The following ZNF638 variants were observed in gnomAD, a reference collection of about 807,000 sequenced individuals.
The protein encoded by ZNF638 is zinc finger protein 638.
A neutral mutation model predicts 195.6 loss-of-function variants in ZNF638; 46 were observed. That is an observed-to-expected ratio of 0.24 (90% CI 0.19 to 0.30). The LOEUF (loss-of-function observed/expected upper bound fraction) is 0.30, where lower values mean the gene tolerates loss of function less well. ZNF638 is among the 10% of genes least tolerant of loss of function. ZNF638 has a pLI of 1.00. For synonymous variants in ZNF638, 845 were observed against 772.0 expected, an observed-to-expected ratio of 1.09 and a Z score of -1.57; for missense variants, 2,440 against 2,325.3, an observed-to-expected ratio of 1.05 and a Z score of -1.01.
At chr2:71,345,851 A>G (rs2078842491) in intron 1 of ZNF638, among the ~76,000 whole-genome samples, 1 of 152,134 alleles carries the variant, frequency 6.6e-6, no homozygotes, top group South Asian at 2.1e-4. Context: ...GTTCCCCTCT[A>G]AAAGGCAAGT....
chr2:71,374,984 TA>T (rs2079394533), intron 8 of ZNF638: 3 of 150,618 alleles, frequency 2.0e-5, no homozygotes, highest in Admixed American at 2.0e-4. Flanking sequence ...TAGCAAGTTT[TA>T]TTTTTTTTTC....
chr2:71,420,366 A>G (rs1380053942), intron 21 of ZNF638, among the ~76,000 whole-genome samples: 1 of 152,154 alleles, frequency 6.6e-6, no homozygotes. Context: ...TGATATGTAA[A>G]CAGATTTTAT....
At chr2:71,388,244 G>T (rs2079685493) in intron 10 of ZNF638, among the ~76,000 whole-genome samples, 1 of 152,214 alleles carries the variant, frequency 6.6e-6, no homozygotes, top group Non-Finnish European at 1.5e-5. Flanking sequence ...AGGGCAAGTA[G>T]TAGGTAACAA....
chr2:71,362,775 C>T (rs2104263526), intron 3 of ZNF638, among the ~76,000 whole-genome samples: 1 of 152,240 alleles, frequency 6.6e-6, no homozygotes, highest in African/African-American at 2.4e-5. Context: ...AGTTAAGGGG[C>T]ACCATTCATG....
intron 1 of ZNF638, among the ~76,000 whole-genome samples, chr2:71,333,912 T>G (rs1558822360): frequency 2.0e-5 from 3 of 152,234 alleles, no homozygotes; most frequent in African/African-American, 7.2e-5. Flanking sequence ...TTGAAGTGCT[T>G]AGGCAGCATT....
intron 3 of ZNF638, among the ~76,000 whole-genome samples, chr2:71,359,810 T>G (rs1400441788): frequency 6.6e-6 from 1 of 152,190 alleles, no homozygotes; most frequent in African/African-American, 2.4e-5. Context: ...GATGTATATT[T>G]AGATTTTTCT....
At chr2:71,350,604 C>T (rs770996043) in intron 2 of ZNF638, among the ~76,000 whole-genome samples, 2 of 152,158 alleles carry the variant, frequency 1.3e-5, no homozygotes, top group Non-Finnish European at 2.9e-5. Context: ...TCACCTTTCT[C>T]TAAAAGGATC....
chr2:71,373,593 C>T (rs760252954), intron 8 of ZNF638, among the ~76,000 whole-genome samples: 4 of 142,220 alleles, frequency 2.8e-5, no homozygotes, highest in Non-Finnish European at 4.7e-5. Flanking sequence ...TACAGGTGCT[C>T]GCCACTAACA....
In ZNF638 at chr2:71,434,776, A is replaced by G; in HGVS notation, c.5906A>G (p.Gln1969Arg). 3.1e-6 allele frequency: 5 copies of G among 1,611,846 alleles called. No individual in the cohort carries two copies. The highest frequency in any genetic ancestry group is 4.2e-6 in the Non-Finnish European group (5 of 1,179,374). Residue 1969 changes from glutamine to arginine, a missense_variant, in exon 28 of 28, where the codon CAG (glutamine) becomes CGG (arginine). Physicochemically the swap from Gln to Arg is conservative, Grantham distance 43. Transcript: ENST00000264447. ...FMAKQRKEKE[Q>R]NEAEERSSR ...GCCAAGCAAAGAAAGGAAAAGGAGC[A>G]GAATGAGGCTGAAGAAAGAAGCTCT...
intron 10 of ZNF638, chr2:71,388,576 G>A (rs73941827): frequency 1.0e-4 from 76 of 763,316 alleles, no homozygotes; most frequent in African/African-American, 4.8e-4. Context: ...CTGCGCTCAC[G>A]CAAAATACCT....
At chr2:71,417,856 C>T (rs2080335681) in intron 20 of ZNF638, among the ~76,000 whole-genome samples, 1 of 152,200 alleles carries the variant, frequency 6.6e-6, no homozygotes, top group Non-Finnish European at 1.5e-5. Context: ...CAGGAATCCT[C>T]TCTAGACACA....
intron 1 of ZNF638, among the ~76,000 whole-genome samples, chr2:71,340,235 G>A (rs2542494): frequency 3.9e-5 from 6 of 152,070 alleles, no homozygotes; most frequent in African/African-American, 7.2e-5. Context: ...TTCATTGACT[G>A]TTTCTTTGAA....
chr2:71,423,240 A>G lies in ZNF638; in HGVS notation c.3726A>G (p.Glu1242=), dbSNP rs201581136. ...EERNLKGILE[E]SPSEAEDFIS... is the part of the protein sequence containing the mutation. The stretch of plus-strand genomic sequence containing the variant: ...GGAACCTCAAAGGAATTCTAGAAGA[A>G]TCTCCATCTGAAGCAGAAGATTTCA... The change falls in exon 22 of 28, where the codon GAA becomes GAG. Residue 1242 remains glutamate (E), a synonymous_variant. Coordinates refer to ENST00000264447, the MANE Select transcript of ZNF638 (RefSeq NM_014497.5). The G allele has an allele frequency of 1.6e-5, 26 of 1,614,142 alleles. No individual in the cohort carries two copies. The East Asian group carries it at 4.9e-4, about 30-fold the overall frequency.
In ZNF638 at chr2:71,406,244, C is replaced by A. The variant is rs1276584990; in HGVS notation, c.3117C>A (p.Phe1039Leu). The change falls in exon 19 of 28, where the codon TTC becomes TTA. Residue 1039 changes from phenylalanine to leucine, a missense_variant. By Grantham distance (22) the Phe-to-Leu change is conservative (BLOSUM62 0). Transcript: ENST00000264447. ...TTGGAAAAGTGGATCACCATGTATT[C>A]ATAAGTAATAGAAACAAGGTAACAA... Reference protein sequence around the residue: ...LQFGKVDHHVFISNRNKAILQ... With the variant: ...LQFGKVDHHVLISNRNKAILQ... 6.2e-7 allele frequency: 1 copy of A among 1,611,960 alleles called. No individual in the cohort carries two copies. The highest frequency in any genetic ancestry group is 1.7e-5 in the Admixed American group (1 of 59,992).
At chr2:71,424,099 G>A in intron 22 of ZNF638, 61 bp downstream of exon 22, 1 of 1,550,758 alleles carries the variant, frequency 6.4e-7, no homozygotes, top group Non-Finnish European at 8.7e-7. Flanking sequence ...CGCTGCTGTA[G>A]CTATGTAGTA....
intron 21 of ZNF638, among the ~76,000 whole-genome samples, chr2:71,419,100 T>A (rs1483169331): frequency 6.6e-6 from 1 of 152,164 alleles, no homozygotes; most frequent in Non-Finnish European, 1.5e-5. Context: ...TCCAAAAAAA[T>A]TATGTATATA....
At chr2:71,350,306 A>T in intron 2 of ZNF638, 35 bp downstream of exon 2, 1 of 1,569,910 alleles carries the variant, frequency 6.4e-7, no homozygotes, top group Non-Finnish European at 8.6e-7. Context: ...CTGTATAATG[A>T]TGCTCAGCGC....
chr2:71,408,190 A>G lies in ZNF638; in HGVS notation c.3204A>G (p.Gln1068=). The G allele has an allele frequency of 6.2e-7, 1 of 1,613,486 alleles. No individual in the cohort carries two copies. The change falls in exon 20 of 28, where the codon CAA becomes CAG. Residue 1068 remains glutamine (Q), a synonymous_variant. Coordinates refer to ENST00000264447, the MANE Select transcript of ZNF638 (RefSeq NM_014497.5). Reference sequence around the variant, plus strand: ...ATAGCTTTCTGAAACAAAATCCACAAAATATTGGTGACCATATGTTGACCT... The same window carrying G: ...ATAGCTTTCTGAAACAAAATCCACAGAATATTGGTGACCATATGTTGACCT... ...SMYSFLKQNP[Q]NIGDHMLTCS... is the part of the protein sequence containing the mutation.
At chr2:71,408,069 C>A in intron 19 of ZNF638, 53 bp from the exon 20 acceptor site, 1 of 1,552,144 alleles carries the variant, frequency 6.4e-7, no homozygotes, top group South Asian at 1.2e-5. Flanking sequence ...TGTGGTTATT[C>A]TAATTCCAAT....
Sources: allele counts gnomAD v4.1 joint callset (sites outside exome capture counted in the v4.1 genomes callset), GRCh38; gene constraint gnomAD v4.1.1; transcripts MANE v1.5; gene names NCBI Gene and HGNC (gene_info 2026-07-23, HGNC 2026-07-21).